The following USH2A variants were observed in gnomAD, a reference collection of about 807,000 sequenced individuals.
USH2A encodes usherin, also known as Usher syndrome 2A (autosomal recessive, mild).
USH2A carries 443 observed loss-of-function variants against 538.9 expected under a neutral mutation model. The observed-to-expected ratio is 0.82, with a 90% CI of 0.76 to 0.89. USH2A has a LOEUF of 0.89. USH2A is among the 40% of genes least tolerant of loss of function. The probability of loss-of-function intolerance (pLI) is 0.00; values close to 1 mark genes in which losing one functional copy is unlikely to be tolerated. For missense variants in USH2A, 6,633 were observed against 6,324.8 expected, an observed-to-expected ratio of 1.05 and a Z score of -1.65; for synonymous variants, 2,413 against 2,273.5, an observed-to-expected ratio of 1.06 and a Z score of -1.75.
In USH2A at chr1:215,782,940, A is replaced by G. The variant is rs774936964; in HGVS notation, c.10388-5T>C. On this transcript the variant is annotated splice_polypyrimidine_tract_variant and splice_region_variant and intron_variant, in intron 52 of 71. Coordinates refer to ENST00000307340, the MANE Select transcript of USH2A (RefSeq NM_206933.4). ...TGTAGGGCTTGAGGTTCACATCTGG[A>G]AAGAGAAAAAATAGACAGGGAAGTT... The G allele has an allele frequency of 1.2e-6, 2 of 1,612,126 alleles. No homozygotes were observed. Among genetic ancestry groups the G allele is most frequent in the Non-Finnish European group, 1.7e-6 (2 of 1,179,018 alleles).
chr1:216,222,274 C>G (rs948272824), intron 14 of USH2A, among the ~76,000 whole-genome samples: 20 of 152,116 alleles, frequency 1.3e-4, no homozygotes, highest in Admixed American at 1.3e-3. Context: ...TCTATTGTAA[C>G]TCAACTCTGC....
intron 32 of USH2A, among the ~76,000 whole-genome samples, chr1:216,003,456 G>C (rs956606134): frequency 6.6e-6 from 1 of 152,118 alleles, no homozygotes; most frequent in African/African-American, 2.4e-5. Context: ...AATTTTAATA[G>C]TTAAGAGTCA....
chr1:215,745,209 A>C (rs1184379487), intron 58 of USH2A, among the ~76,000 whole-genome samples: 1 of 152,208 alleles, frequency 6.6e-6, no homozygotes, highest in Non-Finnish European at 1.5e-5. Context: ...AGTGACTACT[A>C]AATTTTATCA....
intron 20 of USH2A, among the ~76,000 whole-genome samples, chr1:216,175,726 G>T (rs1402949358): frequency 1.3e-5 from 2 of 151,982 alleles, no homozygotes; most frequent in East Asian, 3.9e-4. Flanking sequence ...ATTTTTTCTT[G>T]AAAATAACTT....
rs374706576 is a variant in USH2A at position 216,301,417 on chromosome 1, G to C, written c.1645-9047C>G. Among the ~76,000 whole-genome samples, 156 of 152,256 alleles carry C rather than the reference G, an allele frequency of 1.0e-3. 4 individuals carry two copies. Among genetic ancestry groups the C allele is most frequent in the African/African-American group, 3.6e-3 (148 of 41,554 alleles). ...TGCCTAGAAGGAGCCCTAGAACATA[G>C]TAGGTACTCAATTTATATATCTGGA... On this transcript the variant is annotated intron_variant, in intron 9 of 71. Coordinates refer to ENST00000307340, the MANE Select transcript of USH2A (RefSeq NM_206933.4).
Position 215,624,227 on chromosome 1 carries a change from T to G in USH2A, c.*1554A>C, listed in dbSNP as rs140637473. 6.6e-6 allele frequency: 1 copy of G among 152,208 alleles called. No individual in the cohort carries two copies. Among genetic ancestry groups the G allele is most frequent in the Non-Finnish European group, 1.5e-5 (1 of 68,032 alleles). The allele number at this position is 152,208 out of a possible 1,614,324, so 9.4% of individuals were successfully genotyped here. A position where few individuals can be genotyped will look rare whatever the true frequency, so the allele number is the denominator to read the frequency against. ...AGGTGGTAGAACTTCTGCTTAATAC[T>G]GGCCTGTGCTTTTGACACTTATGGT... On this transcript the variant is annotated 3_prime_UTR_variant, in exon 72 of 72. Coordinates refer to ENST00000307340, the MANE Select transcript of USH2A (RefSeq NM_206933.4).
At chr1:215,710,616 G>A (rs1043354138) in intron 61 of USH2A, among the ~76,000 whole-genome samples, 1 of 152,038 alleles carries the variant, frequency 6.6e-6, no homozygotes, top group Non-Finnish European at 1.5e-5. Context: ...CAATTTGAGG[G>A]TTCAAAAATA....
rs909026198 is a variant in USH2A, at chr1:216,052,118, T to C, written c.6050-3471A>G. On this transcript the variant is annotated intron_variant, in intron 30 of 71. Coordinates refer to ENST00000307340, the MANE Select transcript of USH2A (RefSeq NM_206933.4). ...TATTAATTTTAGCCACTCCTTATTT[T>C]AAGGACCTTAAAAGCAAGCACTGCT... Among the ~76,000 whole-genome samples, 30 of 152,182 alleles carry C rather than the reference T, an allele frequency of 2.0e-4. 1 individual carries two copies. Among genetic ancestry groups the C allele is most frequent in the African/African-American group, 7.0e-4 (29 of 41,440 alleles).
chr1:216,180,160 C>A (rs1416846685), intron 20 of USH2A, among the ~76,000 whole-genome samples: 1 of 152,004 alleles, frequency 6.6e-6, no homozygotes, highest in Non-Finnish European at 1.5e-5. Flanking sequence ...TTAAGGAATA[C>A]AATTCATCTA....
chr1:216,085,955 T>G (rs2032117692), intron 24 of USH2A, among the ~76,000 whole-genome samples: 1 of 152,084 alleles, frequency 6.6e-6, no homozygotes. Context: ...CTTATCTGGG[T>G]TCTAGCTTAT....
intron 38 of USH2A, among the ~76,000 whole-genome samples, chr1:215,904,580 A>G (rs1395453979): frequency 1.3e-5 from 2 of 151,956 alleles, no homozygotes; most frequent in African/African-American, 4.8e-5. Flanking sequence ...CCATAATTCC[A>G]CTGCTGGTTT....
At chr1:216,417,265 TA>T (rs10707482) in intron 3 of USH2A, among the ~76,000 whole-genome samples, 14,873 of 134,752 alleles carry the variant, frequency 0.11, 1,406 homozygotes, top group African/African-American at 0.27. Flanking sequence ...GCTTCAAGAT[TA>T]AAAAAAAAAA....
intron 44 of USH2A, among the ~76,000 whole-genome samples, chr1:215,861,197 A>G (rs1664303452): frequency 6.6e-6 from 1 of 152,222 alleles, no homozygotes; most frequent in Non-Finnish European, 1.5e-5. Flanking sequence ...CTCCAGAGCT[A>G]CTTTAGTCTC....
At chr1:216,322,264 T>C (rs949762752) in intron 8 of USH2A, among the ~76,000 whole-genome samples, 7 of 152,084 alleles carry the variant, frequency 4.6e-5, no homozygotes, top group Admixed American at 3.9e-4. Context: ...ACCAACCACG[T>C]ACCAAGGGAA....
At chr1:215,635,025 C>A (rs1000017112) in intron 69 of USH2A, among the ~76,000 whole-genome samples, 1 of 152,040 alleles carries the variant, frequency 6.6e-6, no homozygotes, top group East Asian at 1.9e-4. Context: ...CCAAAGTAAC[C>A]TTGAGGGTCA....
chr1:216,381,350 G>C (rs2038919308), intron 3 of USH2A, among the ~76,000 whole-genome samples: 1 of 152,158 alleles, frequency 6.6e-6, no homozygotes, highest in Non-Finnish European at 1.5e-5. Flanking sequence ...AAATTTTGAA[G>C]GATCTTGAAC....
At chr1:215,807,329 G>A (rs1327166249) in intron 49 of USH2A, among the ~76,000 whole-genome samples, 14 of 152,110 alleles carry the variant, frequency 9.2e-5, no homozygotes, top group Admixed American at 7.9e-4. Context: ...TTTAAGCCAC[G>A]AAGTGTCTGG....
At chr1:216,189,784 C>A (rs1410336241) in intron 20 of USH2A, among the ~76,000 whole-genome samples, 1 of 151,856 alleles carries the variant, frequency 6.6e-6, no homozygotes, top group Admixed American at 6.6e-5. Context: ...AATGTCTGGA[C>A]TGAGGGAAGA....
intron 44 of USH2A, among the ~76,000 whole-genome samples, chr1:215,863,861 G>T: frequency 6.6e-6 from 1 of 152,102 alleles, no homozygotes; most frequent in Non-Finnish European, 1.5e-5. Context: ...AAAAAAAGAG[G>T]AAGGAGAGAG....
Sources: gnomAD v4.1 joint callset for allele counts (sites outside exome capture counted in the v4.1 genomes callset) on GRCh38, gnomAD v4.1.1 for gene constraint, MANE v1.5 for transcripts, NCBI Gene and HGNC (gene_info 2026-07-23, HGNC 2026-07-21) for gene names.